The following TENM2 variants were observed in gnomAD, a reference collection of about 807,000 sequenced individuals.
The protein encoded by TENM2 is teneurin transmembrane protein 2.
A neutral mutation model predicts 245.2 loss-of-function variants in TENM2; 52 were observed. That is an observed-to-expected ratio of 0.21 (90% CI 0.17 to 0.27). The LOEUF is 0.27. Among genes scored for constraint, TENM2 ranks in the 10% least tolerant of loss-of-function variants. TENM2 has a pLI of 1.00. For synonymous variants in TENM2, 1,363 were observed against 1,438.9 expected, an observed-to-expected ratio of 0.95 and a Z score of 1.19; for missense variants, 3,046 against 3,666.8, an observed-to-expected ratio of 0.83 and a Z score of 4.37.
In TENM2 at chr5:167,356,113, C is replaced by T. The variant is rs1051488796; in HGVS notation, c.227-19085C>T. ...AGGAGAATCGTTTGAACCCGGGAGA[C>T]GGTGTTTGCAGTGAGCTGAGATGGA... On this transcript the variant is annotated intron_variant, in intron 1 of 28. Coordinates refer to ENST00000518659, the Ensembl canonical transcript of TENM2. 6.0e-5 allele frequency among the ~76,000 whole-genome samples: 8 copies of T among 133,494 alleles called. No homozygotes were observed. In the East Asian group the frequency reaches 7.2e-4, roughly 12 times the overall value. 87.6% of individuals were successfully genotyped at this position (133,494 alleles called of 152,430 possible). A position where few individuals can be genotyped will look rare whatever the true frequency, so the allele number is the denominator to read the frequency against.
intron 2 of TENM2, among the ~76,000 whole-genome samples, chr5:167,823,982 A>G (rs1210831312): frequency 2.0e-5 from 3 of 152,106 alleles, no homozygotes; most frequent in African/African-American, 7.2e-5. Context: ...GCTGAAATTC[A>G]GAACGGTGTG....
At chr5:167,250,800 A>G in the TENM2 span, among the ~76,000 whole-genome samples, 1 of 152,310 alleles carries the variant, frequency 6.6e-6, no homozygotes, top group South Asian at 2.1e-4. Flanking sequence ...AAATTTTAGT[A>G]TCTGAGAATG....
chr5:167,456,778 A>C (rs1041940087), intron 2 of TENM2, among the ~76,000 whole-genome samples: 15 of 152,204 alleles, frequency 9.9e-5, no homozygotes, highest in Non-Finnish European at 2.1e-4. Context: ...TTGTATATTT[A>C]TTTGTGGTAA....
chr5:167,923,701 A>G (rs755617238), intron 3 of TENM2, among the ~76,000 whole-genome samples: 1 of 152,142 alleles, frequency 6.6e-6, no homozygotes, highest in Non-Finnish European at 1.5e-5. Flanking sequence ...TTTACAAATA[A>G]GCAAATCAGG....
intron 2 of TENM2, among the ~76,000 whole-genome samples, chr5:167,837,040 C>T (rs979092549): frequency 6.7e-6 from 1 of 149,552 alleles, no homozygotes; most frequent in African/African-American, 2.5e-5. Flanking sequence ...CCTATAATTC[C>T]ATTTATAGTA....
At chr5:167,231,844 T>C in the TENM2 span, among the ~76,000 whole-genome samples, 1 of 151,672 alleles carries the variant, frequency 6.6e-6, no homozygotes, top group East Asian at 2.0e-4. Flanking sequence ...TTCACAGGCC[T>C]GGAGGCCTAG....
intron 1 of TENM2, among the ~76,000 whole-genome samples, chr5:167,352,217 C>G (rs977868332): frequency 3.9e-5 from 6 of 152,084 alleles, no homozygotes; most frequent in Admixed American, 1.3e-4. Context: ...AGCTGCTTTT[C>G]CCAAAGGGAC....
At chr5:166,982,275 G>T in the TENM2 span, among the ~76,000 whole-genome samples, 1 of 152,032 alleles carries the variant, frequency 6.6e-6, no homozygotes, top group African/African-American at 2.4e-5. Flanking sequence ...CTTTCATTTT[G>T]ATAAGAATGG....
At chr5:167,736,946 C>T (rs996900638) in intron 2 of TENM2, among the ~76,000 whole-genome samples, 8 of 152,168 alleles carry the variant, frequency 5.3e-5, no homozygotes, top group Non-Finnish European at 7.3e-5. Context: ...CCTGCTAGAT[C>T]TGGCTGCAGA....
chr5:167,225,735 A>T, the TENM2 span, among the ~76,000 whole-genome samples: 444 of 152,060 alleles, frequency 2.9e-3, 11 homozygotes, highest in Admixed American at 0.02. Flanking sequence ...TTTGAGAAGG[A>T]TTGGTTTTCT....
chr5:167,856,878 C>A (rs1419847494), intron 2 of TENM2, among the ~76,000 whole-genome samples: 1 of 152,134 alleles, frequency 6.6e-6, no homozygotes. Context: ...TGCAAGGGTG[C>A]TGATTCTGAT....
intron 5 of TENM2, among the ~76,000 whole-genome samples, chr5:168,039,285 C>T (rs901244871): frequency 1.3e-5 from 2 of 152,146 alleles, no homozygotes; most frequent in Admixed American, 6.5e-5. Flanking sequence ...CGATCTGCCC[C>T]TCTTTAACGG....
chr5:167,906,085 A>G (rs1776064938), intron 3 of TENM2, among the ~76,000 whole-genome samples: 3 of 152,182 alleles, frequency 2.0e-5, no homozygotes, highest in Admixed American at 2.0e-4. Flanking sequence ...CACACCTGCC[A>G]ACCCTGCAGG....
At chr5:168,206,451 G>A (rs1762351878) in intron 19 of TENM2, among the ~76,000 whole-genome samples, 1 of 152,222 alleles carries the variant, frequency 6.6e-6, no homozygotes, top group African/African-American at 2.4e-5. Context: ...ATGAGAGGTG[G>A]CACCTGGGGA....
At chr5:167,157,554 G>A in the TENM2 span, among the ~76,000 whole-genome samples, 4 of 152,144 alleles carry the variant, frequency 2.6e-5, no homozygotes, top group East Asian at 1.9e-4. Flanking sequence ...ACTTTTAGAC[G>A]TGTAAGTTCC....
At chr5:167,127,363 T>G in the TENM2 span, among the ~76,000 whole-genome samples, 1 of 152,162 alleles carries the variant, frequency 6.6e-6, no homozygotes, top group Admixed American at 6.5e-5. Flanking sequence ...TTCACTTTCT[T>G]TAATATGCAG....
chr5:167,816,616 C>T (rs1213746138), intron 2 of TENM2, among the ~76,000 whole-genome samples: 1 of 152,062 alleles, frequency 6.6e-6, no homozygotes, highest in Non-Finnish European at 1.5e-5. Flanking sequence ...TGAGACACAA[C>T]TTCACCTCAG....
the TENM2 span, among the ~76,000 whole-genome samples, chr5:167,249,880 G>A: frequency 1.3e-5 from 2 of 152,100 alleles, no homozygotes; most frequent in African/African-American, 4.8e-5. Context: ...CCTGCCCCTA[G>A]AAGACTGCCT....
At chr5:167,221,093 G>T in the TENM2 span, among the ~76,000 whole-genome samples, 1 of 152,148 alleles carries the variant, frequency 6.6e-6, no homozygotes, top group Non-Finnish European at 1.5e-5. Context: ...CTCCCAAAGT[G>T]CTGGGATTAC....
Sources: gnomAD v4.1 joint callset for allele counts (sites outside exome capture counted in the v4.1 genomes callset) on GRCh38, gnomAD v4.1.1 for gene constraint, MANE v1.5 for transcripts, NCBI Gene and HGNC (gene_info 2026-07-23, HGNC 2026-07-21) for gene names.